The following MACROD2 variants were observed in gnomAD, a reference collection of about 807,000 sequenced individuals.
MACROD2 encodes mono-ADP ribosylhydrolase 2.
In MACROD2, 36 loss-of-function variants were observed where a neutral mutation model predicts 70.4. The observed-to-expected ratio is 0.51, with a 90% confidence interval of 0.39 to 0.68. The LOEUF is 0.68. Ranked by LOEUF, MACROD2 falls within the 30% of genes least tolerant of loss-of-function variation. The pLI is 0.00. For missense variants in MACROD2, 496 were observed against 538.4 expected (o/e 0.92, Z 0.78); for synonymous variants, 172 against 178.8 (o/e 0.96, Z 0.30).
At chr20:14,510,281 A>G (rs1370160468) in intron 4 of MACROD2, among the ~76,000 whole-genome samples, 1 of 152,012 alleles carries the variant, frequency 6.6e-6, no homozygotes, top group Non-Finnish European at 1.5e-5. Context: ...TATATTGAAA[A>G]GAAAAATGTC....
At chr20:15,938,675 T>C (rs1011375932) in intron 12 of MACROD2, among the ~76,000 whole-genome samples, 1 of 152,144 alleles carries the variant, frequency 6.6e-6, no homozygotes, top group Non-Finnish European at 1.5e-5. Context: ...ATGGCCTCTA[T>C]GTGTTCATGT....
At chr20:15,494,698 G>A (rs2047272026) in intron 7 of MACROD2, among the ~76,000 whole-genome samples, 1 of 151,300 alleles carries the variant, frequency 6.6e-6, no homozygotes, top group South Asian at 2.1e-4. Context: ...AGCTTTCTGG[G>A]GTATTAGAAG....
At chr20:14,853,531 G>A (rs1221958001) in intron 5 of MACROD2, among the ~76,000 whole-genome samples, 3 of 151,934 alleles carry the variant, frequency 2.0e-5, no homozygotes, top group East Asian at 3.9e-4. Context: ...ATGAAGAAAG[G>A]CAATAAAGAG....
chr20:15,870,469 A>G (rs898728046), intron 9 of MACROD2, among the ~76,000 whole-genome samples: 96 of 152,252 alleles, frequency 6.3e-4, no homozygotes, highest in African/African-American at 2.2e-3. Flanking sequence ...TCATGTTGAA[A>G]TTTAATTGCC....
At chr20:14,756,957 A>G (rs1276111630) in intron 5 of MACROD2, among the ~76,000 whole-genome samples, 1 of 152,034 alleles carries the variant, frequency 6.6e-6, no homozygotes, top group Admixed American at 6.5e-5. Flanking sequence ...GTGAAGAATG[A>G]CATGTTTGCT....
intron 6 of MACROD2, among the ~76,000 whole-genome samples, chr20:15,423,939 G>C (rs148046404): frequency 6.6e-6 from 1 of 152,314 alleles, no homozygotes; most frequent in African/African-American, 2.4e-5. Flanking sequence ...AGCATAGTCA[G>C]ATTATGGTGA....
intron 5 of MACROD2, among the ~76,000 whole-genome samples, chr20:14,886,935 T>C (rs6135291): frequency 0.13 from 20,134 of 152,002 alleles, 1,483 homozygotes; most frequent in Middle Eastern, 0.24. Context: ...GCGTCTCTAG[T>C]GGGGAATTTT....
At chr20:14,734,000 A>G (rs1376206949) in intron 5 of MACROD2, among the ~76,000 whole-genome samples, 1 of 152,166 alleles carries the variant, frequency 6.6e-6, no homozygotes, top group Non-Finnish European at 1.5e-5. Flanking sequence ...AGAAAATATC[A>G]GATACTGTAT....
At chr20:14,646,238 A>C (rs1985384741) in intron 4 of MACROD2, among the ~76,000 whole-genome samples, 1 of 150,070 alleles carries the variant, frequency 6.7e-6, no homozygotes, top group African/African-American at 2.4e-5. Flanking sequence ...CAAAAGTCTA[A>C]TCAGCTGCCA....
chr20:14,902,629 C>G (rs1245581244), intron 5 of MACROD2, among the ~76,000 whole-genome samples: 6 of 151,932 alleles, frequency 3.9e-5, no homozygotes, highest in Non-Finnish European at 8.8e-5. Context: ...GAGCCAATGT[C>G]CAAGAAAAGA....
intron 8 of MACROD2, among the ~76,000 whole-genome samples, chr20:15,796,241 A>C (rs1305470312): frequency 6.6e-6 from 1 of 152,206 alleles, no homozygotes; most frequent in Non-Finnish European, 1.5e-5. Context: ...GCCCACGTTA[A>C]TACTCTGAAA....
At chr20:14,890,216 C>T (rs964673798) in intron 5 of MACROD2, among the ~76,000 whole-genome samples, 3 of 151,972 alleles carry the variant, frequency 2.0e-5, no homozygotes, top group African/African-American at 7.3e-5. Flanking sequence ...AGAGATACAA[C>T]TTGAGAGTTG....
chr20:14,392,531 T>C (rs1306727073), intron 3 of MACROD2, among the ~76,000 whole-genome samples: 1 of 152,196 alleles, frequency 6.6e-6, no homozygotes, highest in East Asian at 1.9e-4. Flanking sequence ...AATACTTGAT[T>C]TCAAAATATA....
intron 2 of MACROD2, among the ~76,000 whole-genome samples, chr20:14,069,059 C>T (rs1189581605): frequency 2.0e-5 from 3 of 152,130 alleles, no homozygotes; most frequent in South Asian, 2.1e-4. Context: ...AGCGATTCTC[C>T]CGCCTCAGCC....
rs181876229 is a variant in MACROD2 at position 15,995,381 on chromosome 20, G to T, written c.1153+8223G>T. The stretch of plus-strand genomic sequence containing the variant: ...TTATTTTTTTTGGAGATGGAGTCTC[G>T]CTCTGTCACCCAGGCTGGAGTGCAG... On this transcript the variant is annotated intron_variant, in intron 15 of 17. Coordinates refer to ENST00000684519, the MANE Select transcript of MACROD2 (RefSeq NM_001351661.2). 5.0e-3 allele frequency among the ~76,000 whole-genome samples: 740 copies of T among 149,408 alleles called. 2 individuals carry two copies. Among genetic ancestry groups the T allele is most frequent in the South Asian group, 0.027 (127 of 4,732 alleles).
chr20:15,188,596 G>A (rs2076549103), intron 5 of MACROD2, among the ~76,000 whole-genome samples: 1 of 152,176 alleles, frequency 6.6e-6, no homozygotes, highest in South Asian at 2.1e-4. Context: ...CTCATTGTAA[G>A]CCCAGGTCAT....
chr20:15,141,760 C>A (rs554445972), intron 5 of MACROD2, among the ~76,000 whole-genome samples: 149 of 152,176 alleles, frequency 9.8e-4, no homozygotes, highest in African/African-American at 3.5e-3. Context: ...AGGCCTAATA[C>A]TTTTATTTCA....
At chr20:15,165,899 A>G (rs2076380367) in intron 5 of MACROD2, among the ~76,000 whole-genome samples, 1 of 152,194 alleles carries the variant, frequency 6.6e-6, no homozygotes, top group Non-Finnish European at 1.5e-5. Context: ...TCTATCAATC[A>G]ACTGGTAAAT....
At chr20:14,245,166 C>T (rs905424004) in intron 3 of MACROD2, among the ~76,000 whole-genome samples, 2 of 151,962 alleles carry the variant, frequency 1.3e-5, no homozygotes, top group Non-Finnish European at 2.9e-5. Flanking sequence ...AGATCGAGAC[C>T]ATCCTGGCTA....
Sources: allele counts gnomAD v4.1 joint callset (sites outside exome capture counted in the v4.1 genomes callset), GRCh38; gene constraint gnomAD v4.1.1; transcripts MANE v1.5; gene names NCBI Gene and HGNC (gene_info 2026-07-23, HGNC 2026-07-21).